SNX24: variants seen among roughly 807,000 people sequenced by gnomAD.
SNX24 encodes sorting nexin-24.
Under a neutral mutation model 28.7 loss-of-function variants are expected in SNX24, and 22 were observed. That is an observed-to-expected ratio of 0.77 (90% CI 0.55 to 1.10). The LOEUF (loss-of-function observed/expected upper bound fraction) is 1.10. Among genes scored for constraint, SNX24 ranks in the 50% least tolerant of loss-of-function variants. SNX24 has a pLI of 0.00. For missense variants in SNX24, 221 were observed against 201.1 expected (o/e 1.10, Z -0.60); for synonymous variants, 69 against 71.5 (o/e 0.96, Z 0.18).
chr5:123,019,468 T>A (rs1438455337), intron 5 of SNX24, among the ~76,000 whole-genome samples: 2 of 152,176 alleles, frequency 1.3e-5, no homozygotes, highest in African/African-American at 4.8e-5. Context: ...AACTAAGAAA[T>A]GAGGTTGGTG....
At chr5:122,893,647 G>T (rs1375231433) in intron 1 of SNX24, among the ~76,000 whole-genome samples, 3 of 152,020 alleles carry the variant, frequency 2.0e-5, no homozygotes, top group African/African-American at 7.2e-5. Context: ...GCCCAAAACT[G>T]TTTTAACAAT....
At chr5:122,854,444 C>T (rs999351028) in intron 1 of SNX24, among the ~76,000 whole-genome samples, 1 of 149,946 alleles carries the variant, frequency 6.7e-6, no homozygotes, top group East Asian at 2.0e-4. Context: ...GGAGGCGGAG[C>T]TTGCAGTGAG....
At position 122,869,910 on chromosome 5, in the gene SNX24, T is replaced by TTA. The variant is rs1755896887; in HGVS notation, c.60+24217_60+24218insTA. ...TTAGTGCTATGAGTTTTTTTTTTTT[T>TTA]ACTGATGTTGTTTGTACATGGTTGG... On this transcript the variant is annotated intron_variant, in intron 1 of 6. Transcript: ENST00000261369. Among the ~76,000 whole-genome samples the TTA allele has an allele frequency of 4.6e-5, 7 of 151,832 alleles. 1 individual carries two copies. The South Asian group carries it at 1.0e-3, about 23-fold the overall frequency.
intron 3 of SNX24, among the ~76,000 whole-genome samples, chr5:122,950,411 C>G (rs1759888385): frequency 6.6e-6 from 1 of 151,568 alleles, no homozygotes; most frequent in Non-Finnish European, 1.5e-5. Context: ...TCAGAGATAC[C>G]TTGAACCATA....
intron 3 of SNX24, among the ~76,000 whole-genome samples, chr5:122,961,500 A>AGTGT (rs1392510575): frequency 6.6e-6 from 1 of 152,240 alleles, no homozygotes; most frequent in South Asian, 2.1e-4. Flanking sequence ...GATTGTGAAC[A>AGTGT]GTGTGTTAAA....
At chr5:122,860,746 G>A (rs1238774902) in intron 1 of SNX24, among the ~76,000 whole-genome samples, 1 of 151,928 alleles carries the variant, frequency 6.6e-6, no homozygotes, top group African/African-American at 2.4e-5. Context: ...ACAGGCGCCT[G>A]CCACCATGCA....
intron 3 of SNX24, among the ~76,000 whole-genome samples, chr5:122,969,169 A>G (rs1447654430): frequency 6.6e-6 from 1 of 152,128 alleles, no homozygotes; most frequent in East Asian, 1.9e-4. Flanking sequence ...CTTGTTTATA[A>G]TTTATTACAT....
chr5:122,851,461 C>G (rs1366988654), intron 1 of SNX24, among the ~76,000 whole-genome samples: 1 of 151,990 alleles, frequency 6.6e-6, no homozygotes, highest in Non-Finnish European at 1.5e-5. Context: ...GCCACCACAC[C>G]CAGACTTAGA....
At chr5:122,888,714 G>A (rs1756822450) in intron 1 of SNX24, among the ~76,000 whole-genome samples, 1 of 152,112 alleles carries the variant, frequency 6.6e-6, no homozygotes, top group African/African-American at 2.4e-5. Flanking sequence ...CCCATTTCAA[G>A]CAGTGGGTGA....
intron 1 of SNX24, among the ~76,000 whole-genome samples, chr5:122,894,641 G>A (rs1034913176): frequency 6.6e-5 from 10 of 152,272 alleles, no homozygotes; most frequent in Admixed American, 5.2e-4. Flanking sequence ...TAGAGAAAAG[G>A]CATTGTCTTA....
intron 3 of SNX24, among the ~76,000 whole-genome samples, chr5:122,995,449 T>A (rs1762020161): frequency 6.6e-6 from 1 of 152,170 alleles, no homozygotes; most frequent in Non-Finnish European, 1.5e-5. Flanking sequence ...TCTTCCTAGG[T>A]TTATTCTTAT....
chr5:122,979,565 G>A (rs1761310229), intron 3 of SNX24, among the ~76,000 whole-genome samples: 1 of 152,176 alleles, frequency 6.6e-6, no homozygotes, highest in South Asian at 2.1e-4. Flanking sequence ...AGATGTGATA[G>A]GGCCACTTTA....
intron 1 of SNX24, among the ~76,000 whole-genome samples, chr5:122,848,283 A>G (rs1754732458): frequency 6.6e-6 from 1 of 152,080 alleles, no homozygotes. Context: ...TTTTGTAGAG[A>G]TGGGATCTCA....
chr5:122,948,981 T>A (rs1759815424), intron 3 of SNX24, among the ~76,000 whole-genome samples: 1 of 152,216 alleles, frequency 6.6e-6, no homozygotes, highest in African/African-American at 2.4e-5. Context: ...AGATAGATGA[T>A]TTTTTAAATC....
intron 1 of SNX24, among the ~76,000 whole-genome samples, chr5:122,918,418 C>T (rs772534071): frequency 6.6e-6 from 1 of 152,176 alleles, no homozygotes; most frequent in Non-Finnish European, 1.5e-5. Context: ...GTTGCGTCCC[C>T]CATTTACATG....
At chr5:122,850,765 C>G (rs1271146035) in intron 1 of SNX24, among the ~76,000 whole-genome samples, 29 of 146,596 alleles carry the variant, frequency 2.0e-4, no homozygotes, top group South Asian at 6.5e-4. Flanking sequence ...AAATATGGCT[C>G]TAAGGGGACA....
intron 1 of SNX24, among the ~76,000 whole-genome samples, chr5:122,877,259 G>C (rs1011002121): frequency 2.0e-5 from 3 of 152,126 alleles, no homozygotes; most frequent in Admixed American, 6.5e-5. Flanking sequence ...CATTAGGTGG[G>C]GATAGGGCCA....
chr5:122,995,108 T>TC (rs1762005970), intron 3 of SNX24, among the ~76,000 whole-genome samples: 1 of 152,218 alleles, frequency 6.6e-6, no homozygotes, highest in African/African-American at 2.4e-5. Context: ...AATCTGCAAG[T>TC]CAATTAAAGA....
At chr5:122,916,608 C>T (rs969607442) in intron 1 of SNX24, among the ~76,000 whole-genome samples, 1 of 152,130 alleles carries the variant, frequency 6.6e-6, no homozygotes, top group African/African-American at 2.4e-5. Context: ...TTTTAACATT[C>T]TGCATCCCAA....
Sources: gnomAD v4.1 joint callset for allele counts (sites outside exome capture counted in the v4.1 genomes callset) on GRCh38, gnomAD v4.1.1 for gene constraint, MANE v1.5 for transcripts, NCBI Gene and HGNC (gene_info 2026-07-23, HGNC 2026-07-21) for gene names.